GALNT18: variants seen among roughly 807,000 people sequenced by gnomAD.
GALNT18 encodes polypeptide N-acetylgalactosaminyltransferase 18.
A neutral mutation model predicts 69.5 loss-of-function variants in GALNT18; 44 were observed. The observed-to-expected ratio is 0.63, with a 90% CI of 0.50 to 0.81. The LOEUF (loss-of-function observed/expected upper bound fraction) is 0.81, where lower values mean the gene tolerates loss of function less well. Among genes scored for constraint, GALNT18 ranks in the 40% least tolerant of loss-of-function variants. GALNT18 has a pLI of 0.00. For missense variants in GALNT18, 715 were observed against 810.0 expected (o/e 0.88, Z 1.42); for synonymous variants, 364 against 318.2 (o/e 1.14, Z -1.53).
intron 10 of GALNT18, among the ~76,000 whole-genome samples, chr11:11,287,935 A>C (rs1849223610): frequency 1.3e-5 from 2 of 152,142 alleles, no homozygotes; most frequent in Non-Finnish European, 2.9e-5. Flanking sequence ...AACCTGCTGA[A>C]ATGTCTCTCA....
chr11:11,569,130 G>A (rs1217861282), intron 1 of GALNT18, among the ~76,000 whole-genome samples: 2 of 151,892 alleles, frequency 1.3e-5, no homozygotes, highest in African/African-American at 2.4e-5. Flanking sequence ...GCACCCAGTA[G>A]TGAATGACTG....
chr11:11,276,088 T>TG (rs1344998711), intron 10 of GALNT18, among the ~76,000 whole-genome samples: 2 of 152,354 alleles, frequency 1.3e-5, no homozygotes, highest in East Asian at 1.9e-4. Flanking sequence ...GGTAGCTTGA[T>TG]GGGGATAGCA....
rs2133801015 is a variant in GALNT18 at position 11,436,192 on chromosome 11, T to C, written c.429-3405A>G. ...GTGCTGTTCCCAGTTCTGCCCCACCTTGCTGTGTGACCATGAATGAGCCAC... is the reference window on the plus strand; with the variant it reads ...GTGCTGTTCCCAGTTCTGCCCCACCCTGCTGTGTGACCATGAATGAGCCAC... On this transcript the variant is annotated intron_variant, in intron 2 of 10. Coordinates refer to ENST00000227756, the MANE Select transcript of GALNT18 (RefSeq NM_198516.3). This position sits in a 1 kb window ranked among gnomAD's most constrained non-coding sequence, Gnocchi z 4.5. Among the ~76,000 whole-genome samples, 1 of 152,332 alleles carries C rather than the reference T, an allele frequency of 6.6e-6. No individual in the cohort carries two copies. The highest frequency in any genetic ancestry group is 1.9e-4 in the East Asian group (1 of 5,184).
intron 9 of GALNT18, among the ~76,000 whole-genome samples, chr11:11,296,902 TAAAC>T (rs1319269513): frequency 2.2e-4 from 33 of 152,322 alleles, no homozygotes; most frequent in Admixed American, 2.2e-3. Context: ...GCGGATTAAA[TAAAC>T]AAATTGCTCG....
chr11:11,578,067 A>G (rs904730746), intron 1 of GALNT18, among the ~76,000 whole-genome samples: 1 of 152,212 alleles, frequency 6.6e-6, no homozygotes, highest in Admixed American at 6.5e-5. Flanking sequence ...TTTTCTTGCC[A>G]GCATTGACCT....
chr11:11,377,516 G>A lies in GALNT18; in HGVS notation c.780-137C>T. The A allele has an allele frequency of 1.4e-6, 1 of 725,536 alleles. No individual in the cohort carries two copies. The highest frequency in any genetic ancestry group is 2.3e-6 in the Non-Finnish European group (1 of 434,778). The allele number at this position is 725,536 out of a possible 1,614,324, so 44.9% of individuals were successfully genotyped here. On this transcript the variant is annotated intron_variant, in intron 4 of 10. Coordinates refer to ENST00000227756, the MANE Select transcript of GALNT18 (RefSeq NM_198516.3). This position sits in a 1 kb window ranked among gnomAD's most constrained non-coding sequence, Gnocchi z 4.6. The stretch of plus-strand genomic sequence containing the variant: ...ATCTCCTCTGATGGAGAGGTGCACT[G>A]CCTTCTGGGAAGGAGCTCCTATTCA...
chr11:11,457,206 T>C (rs1048108964), intron 1 of GALNT18, among the ~76,000 whole-genome samples: 2 of 152,214 alleles, frequency 1.3e-5, no homozygotes, highest in Admixed American at 6.5e-5. Flanking sequence ...GTACTGAGAC[T>C]GCACAATGGA....
intron 10 of GALNT18, among the ~76,000 whole-genome samples, chr11:11,272,499 G>T (rs1416402909): frequency 1.3e-5 from 2 of 152,154 alleles, no homozygotes; most frequent in Non-Finnish European, 1.5e-5. Flanking sequence ...CCATGGCTCA[G>T]TGCTGCCTTT....
chr11:11,290,144 C>G (rs1360962578), intron 10 of GALNT18, among the ~76,000 whole-genome samples: 1 of 152,142 alleles, frequency 6.6e-6, no homozygotes, highest in Non-Finnish European at 1.5e-5. Flanking sequence ...TGATGCCTGT[C>G]AACATTTCCA....
At chr11:11,456,619 G>T (rs2133831560) in intron 1 of GALNT18, among the ~76,000 whole-genome samples, 1 of 152,290 alleles carries the variant, frequency 6.6e-6, no homozygotes, top group South Asian at 2.1e-4. Flanking sequence ...ATTCCTGTCA[G>T]TTGGTTAGTA....
chr11:11,299,290 G>T (rs11822902), intron 9 of GALNT18, among the ~76,000 whole-genome samples: 11 of 152,072 alleles, frequency 7.2e-5, no homozygotes, highest in Non-Finnish European at 4.4e-5. Flanking sequence ...GATTACAGGC[G>T]TATACTACCA....
intron 10 of GALNT18, among the ~76,000 whole-genome samples, chr11:11,280,023 G>T (rs981151448): frequency 1.3e-5 from 2 of 152,084 alleles, no homozygotes; most frequent in Non-Finnish European, 2.9e-5. Flanking sequence ...GTTGGGAGGG[G>T]ACATGGGATT....
intron 1 of GALNT18, among the ~76,000 whole-genome samples, chr11:11,560,175 G>A (rs1232348154): frequency 2.7e-5 from 4 of 146,248 alleles, no homozygotes; most frequent in Non-Finnish European, 6.0e-5. Context: ...GGATGGGATA[G>A]AATGAGATAT....
At chr11:11,381,079 A>C (rs1853904925) in intron 3 of GALNT18, among the ~76,000 whole-genome samples, 1 of 152,204 alleles carries the variant, frequency 6.6e-6, no homozygotes, top group Admixed American at 6.5e-5. Context: ...CAATTGCTGC[A>C]GCTGCCTGGG....
intron 1 of GALNT18, among the ~76,000 whole-genome samples, chr11:11,581,528 T>G (rs1363313019): frequency 6.9e-6 from 1 of 144,046 alleles, no homozygotes; most frequent in Non-Finnish European, 1.5e-5. Context: ...TGACCTCCCC[T>G]CCTCCTCCCC....
rs1295423699 is a variant in GALNT18 at position 11,453,596 on chromosome 11, A to G, written c.236-4660T>C. On this transcript the variant is annotated intron_variant, in intron 1 of 10. Coordinates refer to ENST00000227756, the MANE Select transcript of GALNT18 (RefSeq NM_198516.3). ...AATCTCATGTTGAATTGTAGCTCCT[A>G]TAATTCCCATGTGTTGTGGGAGGGA... Among the ~76,000 whole-genome samples, 3 of 152,180 alleles carry G rather than the reference A, an allele frequency of 2.0e-5. No homozygotes were observed. In the East Asian group the frequency reaches 5.8e-4, roughly 29 times the overall value.
At chr11:11,303,182 G>A (rs1041186382) in intron 9 of GALNT18, among the ~76,000 whole-genome samples, 2 of 152,174 alleles carry the variant, frequency 1.3e-5, no homozygotes, top group South Asian at 4.1e-4. Context: ...TGCCTTGCCT[G>A]TACCTAGCTC....
In GALNT18 at chr11:11,413,808, G is replaced by C. The variant is rs528332032; in HGVS notation, c.595+18813C>G. Among the ~76,000 whole-genome samples, 1 of 152,324 alleles carries C rather than the reference G, an allele frequency of 6.6e-6. No individual in the cohort carries two copies. Among genetic ancestry groups the C allele is most frequent in the South Asian group, 2.1e-4 (1 of 4,830 alleles). On this transcript the variant is annotated intron_variant, in intron 3 of 10. Coordinates refer to ENST00000227756, the MANE Select transcript of GALNT18 (RefSeq NM_198516.3). The surrounding 1 kb of genome is among the most constrained non-coding windows in gnomAD (Gnocchi z 4.7). The stretch of plus-strand genomic sequence containing the variant: ...TGTGCAGCCAAGCCAGGCTCAGCCT[G>C]TCCTGACCTCTTCCGAGAGCCTGGG...
rs1201578938 is a variant in GALNT18, at chr11:11,421,533, G to C, written c.595+11088C>G. 6.6e-6 allele frequency among the ~76,000 whole-genome samples: 1 copy of C among 152,158 alleles called. No individual in the cohort carries two copies. Among genetic ancestry groups the C allele is most frequent in the African/African-American group, 2.4e-5 (1 of 41,438 alleles). On this transcript the variant is annotated intron_variant, in intron 3 of 10. Coordinates refer to ENST00000227756, the MANE Select transcript of GALNT18 (RefSeq NM_198516.3). This position sits in a 1 kb window ranked among gnomAD's most constrained non-coding sequence, Gnocchi z 5.6. ...TGGGAAGCTGGGGCCCAGCTAAGGG[G>C]ATGAGGCAGGCATCAGAGCAAGATT... is the stretch of plus-strand genomic sequence containing the variant.
Sources: allele counts gnomAD v4.1 joint callset (sites outside exome capture counted in the v4.1 genomes callset), GRCh38; gene constraint gnomAD v4.1.1; non-coding constraint Gnocchi (gnomAD v3.1); transcripts MANE v1.5; gene names NCBI Gene and HGNC (gene_info 2026-07-23, HGNC 2026-07-21).